The following PLPP1 variants were observed in gnomAD, a reference collection of about 807,000 sequenced individuals.
PLPP1 encodes the protein phospholipid phosphatase 1, also known as lipid phosphate phosphohydrolase 1a.
In PLPP1, 24 loss-of-function variants were observed where a neutral mutation model predicts 31.2. That is an observed-to-expected ratio of 0.77 (90% CI 0.56 to 1.08). The LOEUF is 1.08. Among genes scored for constraint, PLPP1 ranks in the 50% least tolerant of loss-of-function variants. PLPP1 has a pLI of 0.00. For synonymous variants in PLPP1, 146 were observed against 126.3 expected, an observed-to-expected ratio of 1.16 and a Z score of -1.05; for missense variants, 319 against 342.7, an observed-to-expected ratio of 0.93 and a Z score of 0.55.
chr5:55,457,500 C>T (rs1185102093), intron 3 of PLPP1, among the ~76,000 whole-genome samples: 1 of 152,096 alleles, frequency 6.6e-6, no homozygotes, highest in African/African-American at 2.4e-5. Flanking sequence ...GTCAAAATGG[C>T]TTGTGCAAGA....
chr5:55,518,138 A>C (rs969751252), intron 1 of PLPP1, among the ~76,000 whole-genome samples: 2 of 151,988 alleles, frequency 1.3e-5, no homozygotes, highest in Non-Finnish European at 1.5e-5. Context: ...CAGCCCTAAG[A>C]CTGCATTATA....
chr5:55,471,856 C>T (rs1752422116), intron 2 of PLPP1, among the ~76,000 whole-genome samples: 1 of 152,144 alleles, frequency 6.6e-6, no homozygotes, highest in Admixed American at 6.5e-5. Flanking sequence ...TGGTGGCTTA[C>T]ACCTATAATC....
At chr5:55,476,161 G>T (rs1752545886) in intron 1 of PLPP1, among the ~76,000 whole-genome samples, 1 of 150,826 alleles carries the variant, frequency 6.6e-6, no homozygotes, top group South Asian at 2.1e-4. Flanking sequence ...TGGTTTTTTT[G>T]GGGGTTTTTT....
intron 3 of PLPP1, 50 bp from the exon 4 acceptor site, chr5:55,441,958 G>A (rs1751631364): frequency 6.4e-7 from 1 of 1,550,798 alleles, no homozygotes; most frequent in Admixed American, 1.7e-5. Context: ...GGAGCCAAAA[G>A]TATTGTTGAT....
chr5:55,505,436 C>A (rs1178565419), intron 1 of PLPP1, among the ~76,000 whole-genome samples: 1 of 123,848 alleles, frequency 8.1e-6, no homozygotes, highest in African/African-American at 2.7e-5. Flanking sequence ...CTCTACACAT[C>A]TATACACACG....
chr5:55,459,684 G>T (rs1168774108), intron 3 of PLPP1, among the ~76,000 whole-genome samples: 1 of 152,166 alleles, frequency 6.6e-6, no homozygotes, highest in Non-Finnish European at 1.5e-5. Flanking sequence ...GATCAAAGAG[G>T]AAGACGCAAG....
chr5:55,520,194 C>A lies in PLPP1; in HGVS notation c.58+14378G>T, dbSNP rs139365946. ...ACCTTGTCTATGAGCTGTGGGAATA[C>A]TGTTCACCTAGAAGTACAATCAAAA... On this transcript the variant is annotated intron_variant, in intron 1 of 5. Coordinates refer to ENST00000307259, the MANE Select transcript of PLPP1 (RefSeq NM_003711.4). 5.9e-3 allele frequency among the ~76,000 whole-genome samples: 899 copies of A among 152,248 alleles called. 2 individuals carry two copies. The highest frequency in any genetic ancestry group is 0.017 in the Middle Eastern group (5 of 294).
At chr5:55,489,214 T>A (rs1442082212) in intron 1 of PLPP1, among the ~76,000 whole-genome samples, 1 of 152,034 alleles carries the variant, frequency 6.6e-6, no homozygotes, top group Non-Finnish European at 1.5e-5. Context: ...TATATATGTG[T>A]TATTATTACA....
chr5:55,521,372 C>T (rs1043413635), intron 1 of PLPP1, among the ~76,000 whole-genome samples: 3 of 147,790 alleles, frequency 2.0e-5, no homozygotes, highest in African/African-American at 7.6e-5. Flanking sequence ...AAAAAATTGG[C>T]CAGGCATGGT....
chr5:55,481,427 CAA>C (rs1211533408), intron 1 of PLPP1, among the ~76,000 whole-genome samples: 10 of 152,156 alleles, frequency 6.6e-5, no homozygotes, highest in East Asian at 3.9e-4. Flanking sequence ...ACCAGATGCC[CAA>C]GAGAGAGTGG....
At chr5:55,438,712 TAA>T (rs2111697874) in intron 4 of PLPP1, among the ~76,000 whole-genome samples, 1 of 152,178 alleles carries the variant, frequency 6.6e-6, no homozygotes, top group South Asian at 2.1e-4. Flanking sequence ...CCATCCTGGC[TAA>T]CACGGTAAAA....
At chr5:55,501,270 G>A (rs924539298) in intron 1 of PLPP1, among the ~76,000 whole-genome samples, 2 of 152,078 alleles carry the variant, frequency 1.3e-5, no homozygotes, top group South Asian at 4.2e-4. Flanking sequence ...CTGAGATCAT[G>A]CCATTGCACT....
chr5:55,465,808 C>T (rs1579942648), intron 3 of PLPP1, among the ~76,000 whole-genome samples: 1 of 152,302 alleles, frequency 6.6e-6, no homozygotes, highest in Middle Eastern at 3.4e-3. Context: ...CTCCACTGAA[C>T]ACTCTGGAAT....
At chr5:55,527,797 T>C (rs541878334) in intron 1 of PLPP1, among the ~76,000 whole-genome samples, 7 of 152,282 alleles carry the variant, frequency 4.6e-5, no homozygotes, top group East Asian at 1.9e-4. Flanking sequence ...TGTGTAACTA[T>C]AGATGGCTGG....
chr5:55,491,160 A>G (rs374602346), intron 1 of PLPP1: 11 of 1,579,554 alleles, frequency 7.0e-6, no homozygotes, highest in Non-Finnish European at 6.9e-6. Flanking sequence ...AATTCAATTC[A>G]CTTCATTAGG....
At chr5:55,446,582 T>C (rs1207313007) in intron 3 of PLPP1, among the ~76,000 whole-genome samples, 1 of 152,216 alleles carries the variant, frequency 6.6e-6, no homozygotes, top group Non-Finnish European at 1.5e-5. Flanking sequence ...CCATTTATAT[T>C]AGAATGAAGT....
At chr5:55,527,916 C>T (rs991941106) in intron 1 of PLPP1, among the ~76,000 whole-genome samples, 1 of 152,142 alleles carries the variant, frequency 6.6e-6, no homozygotes, top group Admixed American at 6.6e-5. Context: ...TTTCTGATGT[C>T]CCTCCCACTG....
chr5:55,464,891 T>C (rs1752252709), intron 3 of PLPP1, among the ~76,000 whole-genome samples: 1 of 152,212 alleles, frequency 6.6e-6, no homozygotes, highest in African/African-American at 2.4e-5. Flanking sequence ...ACTTTACAAA[T>C]TTATTCAATT....
chr5:55,530,550 G>A (rs1468832948), intron 1 of PLPP1: 1 of 1,245,938 alleles, frequency 8.0e-7, no homozygotes, highest in African/African-American at 1.5e-5. Flanking sequence ...AATGATAGAA[G>A]AAACATCATA....
Sources: gnomAD v4.1 joint callset for allele counts (sites outside exome capture counted in the v4.1 genomes callset) on GRCh38, gnomAD v4.1.1 for gene constraint, MANE v1.5 for transcripts, NCBI Gene and HGNC (gene_info 2026-07-23, HGNC 2026-07-21) for gene names.